Variants in OR2T11 observed in about 807,000 individuals in gnomAD.
OR2T11 encodes olfactory receptor 2T11.
Under a neutral mutation model 13.5 loss-of-function variants are expected in OR2T11, and 14 were observed. The observed-to-expected ratio is 1.04, with a 90% CI of 0.69 to 1.62. The LOEUF (loss-of-function observed/expected upper bound fraction) is 1.62. Among genes scored for constraint, OR2T11 ranks in the 40% most tolerant of loss-of-function variants. OR2T11 has a pLI of 0.00. For missense variants in OR2T11, 410 were observed against 389.7 expected, an observed-to-expected ratio of 1.05 and a Z score of -0.44; for synonymous variants, 163 against 154.6, an observed-to-expected ratio of 1.05 and a Z score of -0.40.
In OR2T11 at chr1:248,629,745, G is replaced by A. The variant is rs868133403; in HGVS notation, c.-144-2473C>T. Among the ~76,000 whole-genome samples the A allele has an allele frequency of 3.5e-5, 5 of 141,108 alleles. 1 individual carries two copies. The highest frequency in any genetic ancestry group is 1.4e-4 in the Admixed American group (2 of 14,530). The allele number at this position is 141,108 out of a possible 152,430, so 92.6% of individuals were successfully genotyped here. The stretch of plus-strand genomic sequence containing the variant: ...CTGTCTGTCCCTGGGCTGCAGCGAC[G>A]GTGGCTTCCTTGTCCTCTGTCCCCA... On this transcript the variant is annotated intron_variant, in intron 1 of 1. Coordinates refer to ENST00000641193, the MANE Select transcript of OR2T11 (RefSeq NM_001001964.2).
At position 248,627,418 on chromosome 1, in the gene OR2T11, T is replaced by C. The variant is rs1247516176; in HGVS notation, c.-144-146A>G. ...TGGTAACTGCGTGATACAATTGCTG[T>C]ATGCTACACCAAGAATGGGGTTTTA... On this transcript the variant is annotated intron_variant, in intron 1 of 1. Transcript: ENST00000641193. The C allele has an allele frequency of 7.5e-5, 31 of 411,024 alleles. 3 individuals are homozygous for C. The highest frequency in any genetic ancestry group is 1.0e-4 in the Non-Finnish European group (24 of 231,242). The allele number at this position is 411,024 out of a possible 1,614,324, so 25.5% of individuals were successfully genotyped here.
chr1:248,624,139 ACT>A lies in OR2T11; in HGVS notation c.*2037_*2038del, dbSNP rs1190096926. Reference sequence around the variant, plus strand: ...TAAACTGGTTTCTGTGCTTTCGGCCACTCTCAAAGGCCATCTTTCTGAAACTT... The same window carrying A: ...TAAACTGGTTTCTGTGCTTTCGGCCACTCAAAGGCCATCTTTCTGAAACTT... On this transcript the variant is annotated 3_prime_UTR_variant, in exon 2 of 2. Transcript: ENST00000641193. The A allele has an allele frequency of 7.0e-6, 1 of 142,254 alleles. No homozygotes were observed. The highest frequency in any genetic ancestry group is 1.5e-5 in the Non-Finnish European group (1 of 66,034). 8.8% of individuals were successfully genotyped at this position (142,254 alleles called of 1,614,324 possible).
Position 248,625,557 on chromosome 1 carries a change from T to C in OR2T11, c.*621A>G, listed in dbSNP as rs1243806018. ...TTAGAGTCTATTCCCTGTGAGTAGC[T>C]GTGTCATGCTGAACCTCCACCCATT... On this transcript the variant is annotated 3_prime_UTR_variant, in exon 2 of 2. Transcript: ENST00000641193. 4 of 144,158 alleles carry C rather than the reference T, an allele frequency of 2.8e-5. No individual in the cohort carries two copies. Among genetic ancestry groups the C allele is most frequent in the Non-Finnish European group, 4.5e-5 (3 of 66,676 alleles). The allele number at this position is 144,158 out of a possible 1,614,324, so 8.9% of individuals were successfully genotyped here.
chr1:248,626,832 G>A lies in OR2T11; in HGVS notation c.297C>T (p.Phe99=), dbSNP rs747616101. ...CAGAACCAATCATGGTCAGGTAGAG[G>A]AAGATCTGGATGCCACAGGCCACAA... The part of the protein sequence containing the change: ...ISFVACGIQI[F]LYLTMIGSEF... Residue 99 remains phenylalanine (F), a synonymous_variant, in exon 2 of 2, where the codon TTC becomes TTT. Transcript: ENST00000641193. 5.7e-6 allele frequency: 9 copies of A among 1,572,204 alleles called. No individual in the cohort carries two copies. The highest frequency in any genetic ancestry group is 1.5e-5 in the African/African-American group (1 of 66,598).
At position 248,630,693 on chromosome 1, in the gene OR2T11, G is replaced by GAAGCC. The variant is rs1333271294; in HGVS notation, c.-144-3422_-144-3421insGGCTT. 2.8e-5 allele frequency among the ~76,000 whole-genome samples: 4 copies of GAAGCC among 143,852 alleles called. 1 individual carries two copies. Among genetic ancestry groups the GAAGCC allele is most frequent in the Admixed American group, 1.4e-4 (2 of 14,750 alleles). The allele number at this position is 143,852 out of a possible 152,430, so 94.4% of individuals were successfully genotyped here. On this transcript the variant is annotated intron_variant, in intron 1 of 1. Transcript: ENST00000641193. ...ATAATGCCATAGGGCTTATTAATTT[G>GAAGCC]CTACTTAAATTGAACGACACTGTAA...
In OR2T11 at chr1:248,626,218, C is replaced by CAT. The variant is rs776942002; in HGVS notation, c.909_910dup (p.Cys304TyrfsTer9). 1.3e-6 allele frequency: 2 copies of CAT among 1,561,436 alleles called. No homozygotes were observed. Among genetic ancestry groups the CAT allele is most frequent in the African/African-American group, 3.0e-5 (2 of 66,638 alleles). ...TGCTACTTTCTGAGCAGATGAGCAA[C>CAT]ATGCAAATACCTTTTTAAATGCCCC... On this transcript the variant is annotated frameshift_variant, in exon 2 of 2. Coordinates refer to ENST00000641193, the MANE Select transcript of OR2T11 (RefSeq NM_001001964.2). LOFTEE classifies it high-confidence loss of function.
rs747343262 is a variant in OR2T11, at chr1:248,626,779, T to C, written c.350A>G (p.Tyr117Cys). 1 of 1,570,108 alleles carries C rather than the reference T, an allele frequency of 6.4e-7. No homozygotes were observed. Residue 117 changes from tyrosine to cysteine, a missense_variant, in exon 2 of 2, where the codon TAT becomes TGT. Tyr to Cys is a radical substitution (Grantham distance 194). Coordinates refer to ENST00000641193, the MANE Select transcript of OR2T11 (RefSeq NM_001001964.2). ...GTTACAGACAGCCACGTAGCAGTCA[T>C]AGGCCATGAGGCCCAGGAGGAAGAA... ...SEFFLLGLMA[Y>C]DCYVAVCNPL...
intron 1 of OR2T11, among the ~76,000 whole-genome samples, chr1:248,632,981 A>G (rs1269148771): frequency 1.9e-5 from 1 of 52,824 alleles, no homozygotes; most frequent in Non-Finnish European, 4.1e-5. Context: ...AAAGGGGGGA[A>G]TCTCAAACTG....
chr1:248,630,992 G>C lies in OR2T11; in HGVS notation c.-144-3720C>G, dbSNP rs552811455. ...GGTCGGAGGGACTCAGTCGGTCTCC[G>C]GGTTTGACGATAGAGGGGACCCCAA... On this transcript the variant is annotated intron_variant, in intron 1 of 1. Coordinates refer to ENST00000641193, the MANE Select transcript of OR2T11 (RefSeq NM_001001964.2). Among the ~76,000 whole-genome samples the C allele has an allele frequency of 1.4e-5, 2 of 142,804 alleles. 1 individual carries two copies. Among genetic ancestry groups the C allele is most frequent in the African/African-American group, 5.5e-5 (2 of 36,082 alleles). 93.7% of individuals were successfully genotyped at this position (142,804 alleles called of 152,430 possible). A position where few individuals can be genotyped will look rare whatever the true frequency, so the allele number is the denominator to read the frequency against.
In OR2T11 at chr1:248,625,947, CTAGA is replaced by C. The variant is rs1572100882; in HGVS notation, c.*227_*230del. On this transcript the variant is annotated 3_prime_UTR_variant, in exon 2 of 2. Transcript: ENST00000641193. ...GGTTTTTCTTCCCTAAATAAAAAGA[CTAGA>C]TAAATTATTTAACTTCATAATAAAC... The C allele has an allele frequency of 2.9e-6, 1 of 345,794 alleles. No homozygotes were observed. Among genetic ancestry groups the C allele is most frequent in the Non-Finnish European group, 5.1e-6 (1 of 194,866 alleles). The allele number at this position is 345,794 out of a possible 1,614,324, so 21.4% of individuals were successfully genotyped here.
At chr1:248,633,402 A>G (rs1480338007) in intron 1 of OR2T11, among the ~76,000 whole-genome samples, 2 of 143,488 alleles carry the variant, frequency 1.4e-5, no homozygotes, top group African/African-American at 2.7e-5. Flanking sequence ...CTTAATACAT[A>G]CACAGCATGT....
chr1:248,626,622 T>C lies in OR2T11; in HGVS notation c.507A>G (p.Arg169=), dbSNP rs1360322772. 6.4e-7 allele frequency: 1 copy of C among 1,573,018 alleles called. No homozygotes were observed. Among genetic ancestry groups the C allele is most frequent in the Admixed American group, 1.7e-5 (1 of 58,354 alleles). Residue 169 remains arginine, a synonymous_variant, in exon 2 of 2, where the codon CGA becomes CGG. Transcript: ENST00000641193. ...TCTCACAGAAAAAATGGTTGATACT[T>C]CGGGAGCCACAGTAAGGGACATTCA... ...ITMNVPYCGS[R]SINHFFCEIP...
rs1414561405 is a variant in OR2T11, at chr1:248,631,342, C to T, written c.-145+3696G>A. Among the ~76,000 whole-genome samples the T allele has an allele frequency of 2.1e-5, 3 of 143,658 alleles. 1 individual carries two copies. Among genetic ancestry groups the T allele is most frequent in the African/African-American group, 8.2e-5 (3 of 36,546 alleles). The allele number at this position is 143,658 out of a possible 152,430, so 94.2% of individuals were successfully genotyped here. On this transcript the variant is annotated intron_variant, in intron 1 of 1. Transcript: ENST00000641193. The stretch of plus-strand genomic sequence containing the variant: ...CACCGTGGACGTGTGCCAACGTTTC[C>T]ACGTGCTCTTCACAGCACCTCGACG...
intron 1 of OR2T11, among the ~76,000 whole-genome samples, chr1:248,634,536 A>G (rs1437628916): frequency 1.4e-5 from 2 of 142,468 alleles, no homozygotes; most frequent in Admixed American, 6.9e-5. Flanking sequence ...TCCCAGCTGA[A>G]AAAGAAGCTT....
intron 1 of OR2T11, among the ~76,000 whole-genome samples, chr1:248,633,988 T>C (rs1241922945): frequency 2.7e-5 from 1 of 36,770 alleles, no homozygotes; most frequent in Admixed American, 5.1e-4. Flanking sequence ...AAGTAGTTTT[T>C]TGGTGTTTTT....
At chr1:248,629,634 C>T (rs545358124) in intron 1 of OR2T11, among the ~76,000 whole-genome samples, 2 of 138,422 alleles carry the variant, frequency 1.4e-5, no homozygotes, top group South Asian at 4.6e-4. Flanking sequence ...TGCTTGAAAC[C>T]CTGCAGTTGT....
rs1164268311 is a variant in OR2T11, at chr1:248,628,313, C to T, written c.-144-1041G>A. ...AGAACCATACATGTAGTAAGAATCG[C>T]CCCCCTCTCCCCGCCAGCACCTCCT... On this transcript the variant is annotated intron_variant, in intron 1 of 1. Coordinates refer to ENST00000641193, the MANE Select transcript of OR2T11 (RefSeq NM_001001964.2). 2.1e-5 allele frequency among the ~76,000 whole-genome samples: 3 copies of T among 140,994 alleles called. 1 individual carries two copies. The highest frequency in any genetic ancestry group is 8.5e-5 in the African/African-American group (3 of 35,370). 92.5% of individuals were successfully genotyped at this position (140,994 alleles called of 152,430 possible).
chr1:248,628,836 C>G (rs1007400113), intron 1 of OR2T11, among the ~76,000 whole-genome samples: 1 of 142,984 alleles, frequency 7.0e-6, no homozygotes. Flanking sequence ...CTCTGTCAGG[C>G]CTCCCAGAAA....
At chr1:248,632,041 G>A (rs1558173916) in intron 1 of OR2T11, among the ~76,000 whole-genome samples, 1 of 143,810 alleles carries the variant, frequency 7.0e-6, no homozygotes, top group Non-Finnish European at 1.5e-5. Flanking sequence ...ATATATTTAA[G>A]GTAATGGATA....
Sources: gnomAD v4.1 joint callset for allele counts (sites outside exome capture counted in the v4.1 genomes callset) on GRCh38, gnomAD v4.1.1 for gene constraint, MANE v1.5 for transcripts, NCBI Gene and HGNC (gene_info 2026-07-23, HGNC 2026-07-21) for gene names.